The following COL12A1 variants were observed in gnomAD, a reference collection of about 807,000 sequenced individuals.
COL12A1 encodes the protein collagen type XII alpha 1 chain, also known as collagen alpha-1(XII) chain.
In COL12A1, 114 loss-of-function variants were observed where a neutral mutation model predicts 349.7. The ratio of observed to expected loss-of-function variants is 0.33; its 90% CI spans 0.28 to 0.38. COL12A1 has a LOEUF of 0.38. Among genes scored for constraint, COL12A1 ranks in the 10% least tolerant of loss-of-function variants. The pLI, the probability that COL12A1 is intolerant of heterozygous loss-of-function variation, is 1.00. For missense variants in COL12A1, 3,284 were observed against 3,756.9 expected (o/e 0.87, Z 3.29); for synonymous variants, 1,369 against 1,329.0 (o/e 1.03, Z -0.66).
At chr6:75,187,837 T>TA (rs2149473099) in intron 8 of COL12A1, among the ~76,000 whole-genome samples, 1 of 152,266 alleles carries the variant, frequency 6.6e-6, no homozygotes, top group African/African-American at 2.4e-5. Flanking sequence ...AAGTAATAAC[T>TA]AATAGAAATG....
At chr6:75,139,961 C>T (rs988106585) in intron 27 of COL12A1, among the ~76,000 whole-genome samples, 3 of 152,030 alleles carry the variant, frequency 2.0e-5, no homozygotes, top group Admixed American at 2.0e-4. Context: ...AAAATTTGTT[C>T]TAATAATTAC....
intron 17 of COL12A1, among the ~76,000 whole-genome samples, chr6:75,153,109 C>G (rs1220579023): frequency 6.6e-6 from 1 of 151,450 alleles, no homozygotes; most frequent in Non-Finnish European, 1.5e-5. Context: ...TTTTTTAAAC[C>G]CTGATATATT....
At chr6:75,198,023 C>T (rs1562326534) in intron 2 of COL12A1, among the ~76,000 whole-genome samples, 1 of 152,106 alleles carries the variant, frequency 6.6e-6, no homozygotes, top group Non-Finnish European at 1.5e-5. Flanking sequence ...GCCTTATTAT[C>T]CCTGCTTTAC....
At chr6:75,165,163 A>G (rs1368137345) in intron 14 of COL12A1, among the ~76,000 whole-genome samples, 1 of 152,096 alleles carries the variant, frequency 6.6e-6, no homozygotes, top group Non-Finnish European at 1.5e-5. Flanking sequence ...AGGTTAAGTA[A>G]CTTGACAAAG....
At chr6:75,124,563 C>T (rs1474534419) in intron 40 of COL12A1, among the ~76,000 whole-genome samples, 192 bp from the exon 41 acceptor site, 2 of 152,028 alleles carry the variant, frequency 1.3e-5, no homozygotes, top group Non-Finnish European at 2.9e-5. Context: ...CCCTTTCTTT[C>T]GCTGATTTTC....
At chr6:75,123,251 A>C (rs1280034920) in intron 43 of COL12A1, 79 bp downstream of exon 43, 1 of 1,172,450 alleles carries the variant, frequency 8.5e-7, no homozygotes, top group Non-Finnish European at 1.3e-6. Context: ...TATTAATTGT[A>C]AATGATGCAC....
At chr6:75,157,604 T>C (rs1400805068) in intron 14 of COL12A1, among the ~76,000 whole-genome samples, 1 of 152,124 alleles carries the variant, frequency 6.6e-6, no homozygotes, top group Non-Finnish European at 1.5e-5. Flanking sequence ...GAAAGGGGAA[T>C]CCAGATGGAG....
chr6:75,165,781 T>C lies in COL12A1; in HGVS notation c.2711-2A>G. The C allele has an allele frequency of 6.2e-7, 1 of 1,610,610 alleles. No homozygotes were observed. The highest frequency in any genetic ancestry group is 8.5e-7 in the Non-Finnish European group (1 of 1,178,454). ...CTAAATCTTGAGGAGAACCACGTTCTAGAACAGAAATTAAAAGGGAATCTT... is the reference window on the plus strand; with the variant it reads ...CTAAATCTTGAGGAGAACCACGTTCCAGAACAGAAATTAAAAGGGAATCTT... On this transcript the variant is annotated splice_acceptor_variant, in intron 13 of 65. Coordinates refer to ENST00000322507, the MANE Select transcript of COL12A1 (RefSeq NM_004370.6). LOFTEE classifies it high-confidence loss of function.
rs774904567 is a variant in COL12A1, at chr6:75,165,746, T to A, written c.2744A>T (p.Asp915Val). ...AGCCCCAATTGATGTGTCAGTGATG[T>A]CTTTAGTAACTAAATCTTGAGGAGA... ...RGSPQDLVTK[D>V]ITDTSIGAYW... The change falls in exon 14 of 66, where the codon GAC becomes GTC. Residue 915 changes from aspartate (D) to valine (V), a missense_variant. Transcript: ENST00000322507. 2 of 1,613,932 alleles carry A rather than the reference T, an allele frequency of 1.2e-6. No homozygotes were observed. Among genetic ancestry groups the A allele is most frequent in the Non-Finnish European group, 1.7e-6 (2 of 1,179,866 alleles).
intron 21 of COL12A1, among the ~76,000 whole-genome samples, chr6:75,150,181 T>G (rs1320646085): frequency 1.3e-5 from 2 of 152,202 alleles, no homozygotes; most frequent in Admixed American, 6.6e-5. Flanking sequence ...AATCTACATG[T>G]ACTTAAATAA....
intron 2 of COL12A1, among the ~76,000 whole-genome samples, chr6:75,200,559 C>T (rs1323728244): frequency 6.6e-5 from 10 of 152,088 alleles, no homozygotes; most frequent in Admixed American, 4.6e-4. Context: ...GGCAACAGAG[C>T]GAGACTCTGT....
chr6:75,154,680 G>GA (rs1767665455), intron 16 of COL12A1, 143 bp from the exon 17 acceptor site: 4 of 781,052 alleles, frequency 5.1e-6, no homozygotes, highest in Non-Finnish European at 7.1e-6. Flanking sequence ...TATAAGAGAA[G>GA]AAAAATAATT....
intron 2 of COL12A1, among the ~76,000 whole-genome samples, chr6:75,199,373 G>A (rs1770407475): frequency 2.6e-5 from 4 of 152,086 alleles, no homozygotes; most frequent in Admixed American, 2.6e-4. Context: ...TTAGACATAG[G>A]ATTATAAAAA....
At chr6:75,160,203 T>C (rs1767968412) in intron 14 of COL12A1, among the ~76,000 whole-genome samples, 1 of 152,194 alleles carries the variant, frequency 6.6e-6, no homozygotes, top group South Asian at 2.1e-4. Context: ...CACCAGACAC[T>C]TTCAAACATC....
chr6:75,177,938 G>T lies in COL12A1; in HGVS notation c.2165-3C>A. On this transcript the variant is annotated splice_polypyrimidine_tract_variant and splice_region_variant and intron_variant, in intron 11 of 65. Transcript: ENST00000322507. ...TAGGTTTCGAGGTGCTCCTTTTACT[G>T]AAATAAAAAAGGAAAAATAGATTTT... is the stretch of plus-strand genomic sequence containing the variant. The T allele has an allele frequency of 6.3e-7, 1 of 1,578,734 alleles. No individual in the cohort carries two copies. Among genetic ancestry groups the T allele is most frequent in the South Asian group, 1.2e-5 (1 of 83,716 alleles).
Position 75,133,360 on chromosome 6 carries a change from G to A in COL12A1, c.5727C>T (p.Tyr1909=), listed in dbSNP as rs146146364. 4.0e-4 allele frequency: 649 copies of A among 1,613,238 alleles called. 1 individual carries two copies. The African/African-American group carries it at 5.1e-3, about 13-fold the overall frequency. ...TATAAACGGGAACTACAGTCACAGT[G>A]TATGAGGTATCTGGCTGCAGATTCC... is the stretch of plus-strand genomic sequence containing the variant. The part of the protein sequence containing the change: ...ILRNLQPDTS[Y]TVTVVPVYTE... Residue 1909 remains tyrosine, a synonymous_variant, in exon 34 of 66, where the codon TAC becomes TAT. Transcript: ENST00000322507.
At chr6:75,151,334 A>T (rs779687705) in intron 20 of COL12A1, 47 bp from the exon 21 acceptor site, 119 of 1,560,768 alleles carry the variant, frequency 7.6e-5, no homozygotes, top group Non-Finnish European at 1.0e-4. Flanking sequence ...TCAGAAAAAA[A>T]TTAATGGAAT....
intron 12 of COL12A1, among the ~76,000 whole-genome samples, chr6:75,175,517 T>G (rs1191861832): frequency 6.6e-6 from 1 of 152,224 alleles, no homozygotes; most frequent in African/African-American, 2.4e-5. Context: ...GGAAAGATAT[T>G]CAGTCCCTTT....
At chr6:75,091,931 G>A (rs760387554) in intron 60 of COL12A1, among the ~76,000 whole-genome samples, 2 of 152,142 alleles carry the variant, frequency 1.3e-5, no homozygotes, top group African/African-American at 4.8e-5. Flanking sequence ...ATTGTGGAAC[G>A]TCCATGAGAT....
Sources: allele counts gnomAD v4.1 joint callset (sites outside exome capture counted in the v4.1 genomes callset), GRCh38; gene constraint gnomAD v4.1.1; transcripts MANE v1.5; gene names NCBI Gene and HGNC (gene_info 2026-07-23, HGNC 2026-07-21).